The following CLEC16A variants were observed in gnomAD, a reference collection of about 807,000 sequenced individuals.
CLEC16A encodes C-type lectin domain containing 16A.
In CLEC16A, 51 loss-of-function variants were observed where a neutral mutation model predicts 109.5. The ratio of observed to expected loss-of-function variants is 0.47; its 90% CI spans 0.37 to 0.59. The LOEUF is 0.59. Ranked by LOEUF, CLEC16A falls within the 20% of genes least tolerant of loss-of-function variation. CLEC16A has a pLI of 0.00. For missense variants in CLEC16A, 1,339 were observed against 1,394.0 expected (o/e 0.96, Z 0.63); for synonymous variants, 673 against 564.2 (o/e 1.19, Z -2.73).
At chr16:11,085,381 C>T (rs983858740) in intron 19 of CLEC16A, among the ~76,000 whole-genome samples, 1 of 152,234 alleles carries the variant, frequency 6.6e-6, no homozygotes, top group Non-Finnish European at 1.5e-5. Flanking sequence ...GTTGAGTGCC[C>T]GTGGAGGTGC....
In CLEC16A at chr16:11,100,328, T is replaced by C. The variant is rs145251866; in HGVS notation, c.2117-20287T>C. Reference sequence around the variant, plus strand: ...ACCTTTCCCTTTCTCCGCCTGCTGGTGGATTTCCTCTGCCAAGAAATTAGC... The same window carrying C: ...ACCTTTCCCTTTCTCCGCCTGCTGGCGGATTTCCTCTGCCAAGAAATTAGC... On this transcript the variant is annotated intron_variant, in intron 19 of 23. Transcript: ENST00000409790. Among the ~76,000 whole-genome samples, 4 of 152,302 alleles carry C rather than the reference T, an allele frequency of 2.6e-5. No homozygotes were observed. The East Asian group carries it at 7.7e-4, about 29-fold the overall frequency.
intron 13 of CLEC16A, among the ~76,000 whole-genome samples, chr16:11,025,282 A>T (rs2046345646): frequency 6.6e-6 from 1 of 152,140 alleles, no homozygotes; most frequent in Non-Finnish European, 1.5e-5. Context: ...GTCAAATTGT[A>T]ATCTTGGTTT....
intron 11 of CLEC16A, among the ~76,000 whole-genome samples, chr16:11,011,017 G>A (rs1201943753): frequency 1.3e-5 from 2 of 152,202 alleles, no homozygotes; most frequent in Non-Finnish European, 2.9e-5. Context: ...GGAGGCACAT[G>A]ATGTCCTTCT....
At chr16:11,043,598 C>T (rs940455848) in intron 15 of CLEC16A, among the ~76,000 whole-genome samples, 36 of 152,038 alleles carry the variant, frequency 2.4e-4, no homozygotes, top group African/African-American at 8.4e-4. Flanking sequence ...GGCATGGTGG[C>T]TCGTGCCTGT....
intron 11 of CLEC16A, among the ~76,000 whole-genome samples, chr16:11,005,546 C>A (rs1452636931): frequency 6.6e-6 from 1 of 152,198 alleles, no homozygotes; most frequent in African/African-American, 2.4e-5. Context: ...TATGATGGAT[C>A]TGTCATTTTG....
At chr16:11,095,822 A>G (rs984071861) in intron 19 of CLEC16A, among the ~76,000 whole-genome samples, 93 of 151,126 alleles carry the variant, frequency 6.2e-4, no homozygotes, top group African/African-American at 2.0e-3. Context: ...AAAAAGAAAA[A>G]AAAAAAAAAA....
chr16:11,049,986 A>G lies in CLEC16A; in HGVS notation c.1867-1527A>G, dbSNP rs372394304. ...GGCTCCTTGGCCCTCTGGCCCATTC[A>G]CCGGGTGTCTCAGTATGTTTTCTGC... On this transcript the variant is annotated intron_variant, in intron 17 of 23. Transcript: ENST00000409790. 1.4e-3 allele frequency among the ~76,000 whole-genome samples: 217 copies of G among 152,302 alleles called. 1 individual carries two copies. The highest frequency in any genetic ancestry group is 4.9e-3 in the African/African-American group (203 of 41,568).
chr16:11,007,646 G>T (rs1330192836), intron 11 of CLEC16A, among the ~76,000 whole-genome samples: 1 of 152,192 alleles, frequency 6.6e-6, no homozygotes, highest in Non-Finnish European at 1.5e-5. Context: ...CAAGGTGGAG[G>T]GCAGAGTGAG....
chr16:10,944,581 C>CG lies in CLEC16A; in HGVS notation c.-133dup. On this transcript the variant is annotated 5_prime_UTR_variant, in exon 1 of 24. Coordinates refer to ENST00000409790, the MANE Select transcript of CLEC16A (RefSeq NM_015226.3). ...TGAATGTCAGTGCTGGGCTGTGGGC[C>CG]GGGGAGGAAGGCGGCTCGCGGTTCC... 2 of 823,512 alleles carry CG rather than the reference C, an allele frequency of 2.4e-6. No individual in the cohort carries two copies. Among genetic ancestry groups the CG allele is most frequent in the Non-Finnish European group, 1.9e-6 (1 of 525,574 alleles). 51.0% of individuals were successfully genotyped at this position (823,512 alleles called of 1,614,324 possible).
chr16:11,161,537 T>C (rs114650926), intron 22 of CLEC16A, among the ~76,000 whole-genome samples: 1,948 of 152,304 alleles, frequency 0.013, 46 homozygotes, highest in African/African-American at 0.045. Flanking sequence ...CCCACTCCTA[T>C]GCACACCCAG....
intron 19 of CLEC16A, among the ~76,000 whole-genome samples, chr16:11,076,820 G>C (rs2049401488): frequency 6.6e-6 from 1 of 152,130 alleles, no homozygotes; most frequent in Non-Finnish European, 1.5e-5. Context: ...GGTCCACCCT[G>C]CCCTCAGCCA....
At chr16:11,133,801 G>A (rs907678884) in intron 22 of CLEC16A, among the ~76,000 whole-genome samples, 3 of 152,078 alleles carry the variant, frequency 2.0e-5, no homozygotes, top group African/African-American at 7.2e-5. Context: ...CCTTTCTGGA[G>A]TCACACAGGA....
In CLEC16A at chr16:11,042,251, C is replaced by T. The variant is rs771508948; in HGVS notation, c.1661-3C>T. 1.3e-6 allele frequency: 2 copies of T among 1,572,336 alleles called. No individual in the cohort carries two copies. The highest frequency in any genetic ancestry group is 1.7e-6 in the Non-Finnish European group (2 of 1,158,720). On this transcript the variant is annotated splice_region_variant and splice_polypyrimidine_tract_variant and intron_variant, in intron 14 of 23. Coordinates refer to ENST00000409790, the MANE Select transcript of CLEC16A (RefSeq NM_015226.3). ...GCAAGGCTTACCCTGGTGTGCTCTG[C>T]AGATGGGAAGATCCGGCTGGCGACG...
chr16:11,116,837 A>T (rs552618800), intron 19 of CLEC16A, among the ~76,000 whole-genome samples: 1 of 152,354 alleles, frequency 6.6e-6, no homozygotes, highest in East Asian at 1.9e-4. Context: ...TATTGGGGTG[A>T]TGGAAGTATT....
intron 20 of CLEC16A, among the ~76,000 whole-genome samples, chr16:11,122,302 T>A (rs1019763485): frequency 3.3e-5 from 5 of 152,212 alleles, no homozygotes; most frequent in Non-Finnish European, 7.4e-5. Flanking sequence ...AGAAGAATCT[T>A]TCATTTAAAA....
chr16:11,125,316 A>C (rs1446525609), intron 21 of CLEC16A, among the ~76,000 whole-genome samples: 1 of 150,102 alleles, frequency 6.7e-6, no homozygotes. Flanking sequence ...TTTTTTCTTC[A>C]TGTAAAGCAA....
At chr16:11,002,633 C>T (rs1213144152) in intron 10 of CLEC16A, among the ~76,000 whole-genome samples, 2 of 152,144 alleles carry the variant, frequency 1.3e-5, no homozygotes, top group Admixed American at 6.6e-5. Context: ...AACACCCTCC[C>T]ATCATCCACC....
rs76042332 is a variant in CLEC16A, at chr16:10,980,537, G to C, written c.957+1155G>C. On this transcript the variant is annotated intron_variant, in intron 9 of 23. Transcript: ENST00000409790. The stretch of plus-strand genomic sequence containing the variant: ...CAGCTGTTGGAGCATTGCCCGGGCA[G>C]GGTCTCCTCCAGAGAGCATGGCCGC... 1.6e-3 allele frequency among the ~76,000 whole-genome samples: 244 copies of C among 152,172 alleles called. 1 individual carries two copies. Among genetic ancestry groups the C allele is most frequent in the African/African-American group, 5.8e-3 (239 of 41,526 alleles).
intron 22 of CLEC16A, among the ~76,000 whole-genome samples, chr16:11,158,327 C>T (rs954275288): frequency 1.3e-5 from 2 of 152,170 alleles, no homozygotes; most frequent in African/African-American, 4.8e-5. Context: ...TCCTCATTCA[C>T]GGCAGAGACT....
Sources: gnomAD v4.1 joint callset for allele counts (sites outside exome capture counted in the v4.1 genomes callset) on GRCh38, gnomAD v4.1.1 for gene constraint, MANE v1.5 for transcripts, NCBI Gene and HGNC (gene_info 2026-07-23, HGNC 2026-07-21) for gene names.